The following SFPQ variants were observed in gnomAD, a reference collection of about 807,000 sequenced individuals.
SFPQ encodes the protein splicing factor proline and glutamine rich.
SFPQ carries 11 observed loss-of-function variants against 72.9 expected under a neutral mutation model. The ratio of observed to expected loss-of-function variants is 0.15; its 90% CI spans 0.09 to 0.25. The LOEUF (loss-of-function observed/expected upper bound fraction) is 0.25. SFPQ is among the 10% of genes least tolerant of loss of function. The pLI is 1.00. For synonymous variants in SFPQ, 506 were observed against 367.3 expected (o/e 1.38, Z -4.32); for missense variants, 847 against 993.3 (o/e 0.85, Z 1.98).
intron 9 of SFPQ, among the ~76,000 whole-genome samples, chr1:35,185,798 T>C (rs1407788890): frequency 6.6e-6 from 1 of 152,146 alleles, no homozygotes; most frequent in Non-Finnish European, 1.5e-5. Flanking sequence ...GTGTTCTACC[T>C]CTAAGAACTT....
chr1:35,183,673 CT>C lies in SFPQ; in HGVS notation c.*782del. On this transcript the variant is annotated 3_prime_UTR_variant, in exon 10 of 10. Transcript: ENST00000357214. ...TTTATAGGGCTTGAGATTTGTTGGTCTTTTAAAAACAAGAAATGGGGAAATG... is the reference window on the plus strand; with the variant it reads ...TTTATAGGGCTTGAGATTTGTTGGTCTTTAAAAACAAGAAATGGGGAAATG... 1 of 1,039,214 alleles carries C rather than the reference CT, an allele frequency of 9.6e-7. No homozygotes were observed. The highest frequency in any genetic ancestry group is 1.2e-6 in the Non-Finnish European group (1 of 862,582). The allele number at this position is 1,039,214 out of a possible 1,614,324, so 64.4% of individuals were successfully genotyped here.
At chr1:35,191,827 T>C (rs1255174383) in intron 1 of SFPQ, among the ~76,000 whole-genome samples, 2 of 152,186 alleles carry the variant, frequency 1.3e-5, no homozygotes, top group South Asian at 2.1e-4. Context: ...AAAATTAAAA[T>C]AGGAAAATAA....
chr1:35,179,924 G>A (rs576534434), downstream of SFPQ: 1 of 1,054,642 alleles, frequency 9.5e-7, no homozygotes, highest in Non-Finnish European at 1.1e-6. Context: ...TGATACTCAT[G>A]TCACTAATAT....
At chr1:35,179,933 ATTGAGC>A (rs1639397976), downstream of SFPQ, 1 of 1,054,644 alleles carries the variant, frequency 9.5e-7, no homozygotes, top group South Asian at 4.6e-5. Flanking sequence ...TGTCACTAAT[ATTGAGC>A]ATTATACTTG....
At chr1:35,179,724 C>T, downstream of SFPQ, 1 of 1,057,232 alleles carries the variant, frequency 9.5e-7, no homozygotes, top group East Asian at 5.3e-5. Context: ...TAACCCCCCA[C>T]CCCAATAAAG....
chr1:35,179,523 C>T (rs573242249), downstream of SFPQ: 24 of 1,054,116 alleles, frequency 2.3e-5, 1 homozygote, highest in South Asian at 7.3e-4. Flanking sequence ...GCAAGCACCT[C>T]GGTATAGCAT....
rs1472115177 is a variant in SFPQ at position 35,188,986 on chromosome 1, C to T, written c.1697+17G>A. On this transcript the variant is annotated intron_variant, in intron 6 of 9. Coordinates refer to ENST00000357214, the MANE Select transcript of SFPQ (RefSeq NM_005066.3). ...GAAAAAAATAAATGAAGGCTTAAAC[C>T]TTAAACACAATTTTACCTCAATTGC... is the stretch of plus-strand genomic sequence containing the variant. 6.3e-7 allele frequency: 1 copy of T among 1,598,698 alleles called. No individual in the cohort carries two copies. The highest frequency in any genetic ancestry group is 1.3e-5 in the African/African-American group (1 of 74,538).
At position 35,184,255 on chromosome 1, in the gene SFPQ, A is replaced by T; in HGVS notation, c.*201T>A. The stretch of plus-strand genomic sequence containing the variant: ...AGTAAAAAAGAAAAAATAAAGAAAT[A>T]AAAAGGAAAAAAAAATTCTCCTGTT... On this transcript the variant is annotated 3_prime_UTR_variant, in exon 10 of 10. Transcript: ENST00000357214. The T allele has an allele frequency of 7.4e-7, 1 of 1,349,090 alleles. No individual in the cohort carries two copies. Among genetic ancestry groups the T allele is most frequent in the East Asian group, 3.1e-5 (1 of 32,278 alleles). The allele number at this position is 1,349,090 out of a possible 1,614,324, so 83.6% of individuals were successfully genotyped here.
chr1:35,189,346 G>T lies in SFPQ; in HGVS notation c.1452C>A (p.Gly484=). The T allele has an allele frequency of 6.2e-7, 1 of 1,614,008 alleles. No homozygotes were observed. Among genetic ancestry groups the T allele is most frequent in the Non-Finnish European group, 8.5e-7 (1 of 1,179,982 alleles). Residue 484 remains glycine, a synonymous_variant, in exon 5 of 10, where the codon GGC becomes GGA. Coordinates refer to ENST00000357214, the MANE Select transcript of SFPQ (RefSeq NM_005066.3). ...RETPPRFAQH[G]TFEYEYSQRW... The stretch of plus-strand genomic sequence containing the variant: ...GCTGAGAATATTCGTACTCAAACGT[G>T]CCATGCTGGGCAAAACGAGGAGGGG...
At chr1:35,180,172 C>T, downstream of SFPQ, 3 of 1,050,694 alleles carry the variant, frequency 2.9e-6, no homozygotes, top group Non-Finnish European at 3.4e-6. Context: ...AAGTAAACCA[C>T]TTTCCAGTTA....
Position 35,187,193 on chromosome 1 carries a change from TCA to T in SFPQ, c.1864+8_1864+9del. 3 of 1,614,110 alleles carry T rather than the reference TCA, an allele frequency of 1.9e-6. No homozygotes were observed. Among genetic ancestry groups the T allele is most frequent in the Non-Finnish European group, 2.5e-6 (3 of 1,179,996 alleles). On this transcript the variant is annotated splice_region_variant and intron_variant, in intron 8 of 9. Transcript: ENST00000357214. ...TCTACTTATATCATTAATTTAAATT[TCA>T]CACTTACCTCCCATGTTCATTGCTC...
rs1640059432 is a variant in SFPQ at position 35,192,331 on chromosome 1, T to C, written c.719A>G (p.Glu240Gly). 1 of 1,411,390 alleles carries C rather than the reference T, an allele frequency of 7.1e-7. No individual in the cohort carries two copies. Among genetic ancestry groups the C allele is most frequent in the Non-Finnish European group, 9.1e-7 (1 of 1,096,104 alleles). The allele number at this position is 1,411,390 out of a possible 1,614,324, so 87.4% of individuals were successfully genotyped here. Reference protein sequence around the residue: ...HPKPPHRGGGEPRGGRQHHPP... With the variant: ...HPKPPHRGGGGPRGGRQHHPP... The stretch of plus-strand genomic sequence containing the variant: ...GTGGTGCTGGCGGCCCCCGCGGGGC[T>C]CCCCGCCGCCTCGATGCGGCGGCTT... The change falls in exon 1 of 10, where the codon GAG becomes GGG. Residue 240 changes from glutamate (E) to glycine (G), a missense_variant. By Grantham distance (98) the Glu-to-Gly change is moderately conservative. Transcript: ENST00000357214.
At position 35,192,508 on chromosome 1, in the gene SFPQ, G is replaced by C. The variant is rs1271934798; in HGVS notation, c.542C>G (p.Ala181Gly). 1.5e-6 allele frequency: 2 copies of C among 1,329,902 alleles called. No homozygotes were observed. The highest frequency in any genetic ancestry group is 1.9e-6 in the Non-Finnish European group (2 of 1,047,200). The allele number at this position is 1,329,902 out of a possible 1,614,324, so 82.4% of individuals were successfully genotyped here. A position where few individuals can be genotyped will look rare whatever the true frequency, so the allele number is the denominator to read the frequency against. ...CGCGGGCGGAGGCGGCGGGCCTCCG[G>C]CCTGAGGAGGTGTGGTAGGGACCCC... ...SSGVPTTPPQ[A>G]GGPPPPPAAV... Residue 181 changes from alanine to glycine, a missense_variant, in exon 1 of 10, where the codon GCC becomes GGC. This residue lies in a region of SFPQ where 498 missense variants were observed against 405.1 expected (regional missense o/e 1.23). Coordinates refer to ENST00000357214, the MANE Select transcript of SFPQ (RefSeq NM_005066.3).
intron 6 of SFPQ, among the ~76,000 whole-genome samples, 170 bp from the exon 7 acceptor site, chr1:35,188,260 TTTA>T (rs1445141849): frequency 6.6e-6 from 1 of 152,250 alleles, no homozygotes; most frequent in Non-Finnish European, 1.5e-5. Context: ...TAATGTAGGC[TTTA>T]TTAAGGATAA....
rs755842285 is a variant in SFPQ, at chr1:35,192,704, C to A, written c.346G>T (p.Gly116Cys). 1.4e-6 allele frequency: 2 copies of A among 1,455,662 alleles called. No individual in the cohort carries two copies. The highest frequency in any genetic ancestry group is 1.4e-5 in the South Asian group (1 of 72,562). 90.2% of individuals were successfully genotyped at this position (1,455,662 alleles called of 1,614,324 possible). A position where few individuals can be genotyped will look rare whatever the true frequency, so the allele number is the denominator to read the frequency against. The change falls in exon 1 of 10, where the codon GGC becomes TGC. Residue 116 changes from glycine to cysteine, a missense_variant. Physicochemically the swap from Gly to Cys is radical, Grantham distance 159 (BLOSUM62 -3). Around this residue, in one of 6 missense-constraint regions of SFPQ, gnomAD observed 498 missense variants for 405.1 expected, o/e 1.23. Transcript: ENST00000357214. The stretch of plus-strand genomic sequence containing the variant: ...GCGCTGCCTACTCCGGGAGCGGGGC[C>A]GGGTCCCTGAGCAACGACGGGCTTG... ...SSKPVVAQGP[G>C]PAPGVGSAPP...
In SFPQ at chr1:35,189,062, T is replaced by C. The variant is rs755248273; in HGVS notation, c.1638A>G (p.Leu546=). ...GATTGTGAAGTTCTTCCATGCGTCT[T>C]AATTCTTCCTGTCGTCTCATCAGAT... ...RQDLMRRQEE[L]RRMEELHNQE... Residue 546 remains leucine, a synonymous_variant, in exon 6 of 10, where the codon TTA becomes TTG. Coordinates refer to ENST00000357214, the MANE Select transcript of SFPQ (RefSeq NM_005066.3). 6.2e-7 allele frequency: 1 copy of C among 1,613,178 alleles called. No individual in the cohort carries two copies. Among genetic ancestry groups the C allele is most frequent in the South Asian group, 1.1e-5 (1 of 91,026 alleles).
At chr1:35,185,105 T>C (rs763246255) in intron 9 of SFPQ, among the ~76,000 whole-genome samples, 5 of 152,194 alleles carry the variant, frequency 3.3e-5, no homozygotes, top group Admixed American at 1.3e-4. Context: ...ACACATCTGC[T>C]AAGTTGCAGA....
downstream of SFPQ, chr1:35,178,537 C>T (rs16837212): frequency 5.3e-3 from 5,587 of 1,061,262 alleles, 220 homozygotes; most frequent in African/African-American, 0.083. Flanking sequence ...TGTTGTCCTG[C>T]AATCCTTTGT....
At chr1:35,180,289 G>A (rs1470065133), downstream of SFPQ, 1 of 1,047,706 alleles carries the variant, frequency 9.5e-7, no homozygotes, top group Non-Finnish European at 1.2e-6. Flanking sequence ...TTGATGCAAA[G>A]TCCTAAGCAA....
Sources: gnomAD v4.1 joint callset for allele counts (sites outside exome capture counted in the v4.1 genomes callset) on GRCh38, gnomAD v4.1.1 for gene constraint, gnomAD v4.1.1 regional missense constraint, MANE v1.5 for transcripts, NCBI Gene and HGNC (gene_info 2026-07-23, HGNC 2026-07-21) for gene names.